The following SH3RF2 variants were observed in gnomAD, a reference collection of about 807,000 sequenced individuals.
SH3RF2 encodes the protein SH3 domain containing ring finger 2, also known as E3 ubiquitin-protein ligase SH3RF2.
A neutral mutation model predicts 59.0 loss-of-function variants in SH3RF2; 43 were observed. The observed-to-expected ratio is 0.73, with a 90% CI of 0.57 to 0.94. The LOEUF (loss-of-function observed/expected upper bound fraction) is 0.94. SH3RF2 is among the 40% of genes least tolerant of loss of function. The pLI is 0.00. For missense variants in SH3RF2, 930 were observed against 940.1 expected (o/e 0.99, Z 0.14); for synonymous variants, 391 against 391.5 (o/e 1.00, Z 0.01).
At chr5:145,988,062 G>T (rs1459090768) in intron 2 of SH3RF2, among the ~76,000 whole-genome samples, 2 of 152,196 alleles carry the variant, frequency 1.3e-5, no homozygotes, top group Admixed American at 1.3e-4. Context: ...AGTGGAAAAA[G>T]GCACATTAGG....
intron 2 of SH3RF2, among the ~76,000 whole-genome samples, chr5:145,968,961 C>T (rs968114365): frequency 6.6e-6 from 1 of 152,136 alleles, no homozygotes; most frequent in Non-Finnish European, 1.5e-5. Flanking sequence ...GTATAGAGAA[C>T]ATATAATTCT....
In SH3RF2 at chr5:146,062,498, G is replaced by A. The variant is rs142456711; in HGVS notation, c.1987G>A (p.Gly663Arg). The change falls in exon 10 of 10, where the codon GGA becomes AGA. Residue 663 changes from glycine to arginine, a missense_variant. Physicochemically the swap from Gly to Arg is moderately radical, Grantham distance 125 (BLOSUM62 -2). Transcript: ENST00000359120. ...TKHYTSHPTS[G>R]KPEQPATLKA... Reference sequence around the variant, plus strand: ...ACATTACACCTCCCATCCCACCTCCGGAAAGCCTGAACAGCCAGCCACCCT... The same window carrying A: ...ACATTACACCTCCCATCCCACCTCCAGAAAGCCTGAACAGCCAGCCACCCT... 84 of 1,613,948 alleles carry A rather than the reference G, an allele frequency of 5.2e-5. No homozygotes were observed. The African/African-American group carries it at 6.7e-4, about 13-fold the overall frequency.
At chr5:146,019,047 T>C (rs1435290624) in intron 5 of SH3RF2, among the ~76,000 whole-genome samples, 1 of 152,178 alleles carries the variant, frequency 6.6e-6, no homozygotes, top group Non-Finnish European at 1.5e-5. Context: ...AAATATTTTC[T>C]TCTATTCTTA....
At chr5:145,938,596 T>G (rs1757693001) in intron 2 of SH3RF2, among the ~76,000 whole-genome samples, 1 of 152,212 alleles carries the variant, frequency 6.6e-6, no homozygotes, top group Non-Finnish European at 1.5e-5. Context: ...TTTTTGGTGT[T>G]TCACTTCTGC....
chr5:146,039,113 A>C (rs1330211904), intron 5 of SH3RF2, among the ~76,000 whole-genome samples: 2 of 152,226 alleles, frequency 1.3e-5, no homozygotes, highest in Non-Finnish European at 2.9e-5. Flanking sequence ...GAAAAAGATG[A>C]AATTGGATTC....
At chr5:146,064,038 C>T (rs1266478903), downstream of SH3RF2, among the ~76,000 whole-genome samples, 3 of 152,058 alleles carry the variant, frequency 2.0e-5, no homozygotes, top group African/African-American at 2.4e-5. Context: ...AACACCAGTG[C>T]GAACATGGCA....
intron 2 of SH3RF2, among the ~76,000 whole-genome samples, chr5:145,993,318 G>T (rs977324057): frequency 6.6e-6 from 1 of 152,168 alleles, no homozygotes; most frequent in Non-Finnish European, 1.5e-5. Context: ...GCTGTCAGTG[G>T]ATCTACCATT....
chr5:145,981,666 T>C (rs1260313169), intron 2 of SH3RF2, among the ~76,000 whole-genome samples: 1 of 152,194 alleles, frequency 6.6e-6, no homozygotes, highest in Non-Finnish European at 1.5e-5. Context: ...GATAGTTAGA[T>C]CTTGAACTAT....
chr5:146,013,280 G>T (rs1003906036), intron 4 of SH3RF2, among the ~76,000 whole-genome samples: 1 of 152,120 alleles, frequency 6.6e-6, no homozygotes, highest in Non-Finnish European at 1.5e-5. Context: ...GGCAAGTAAA[G>T]GATTGCAGTT....
chr5:145,980,972 T>A (rs963110251), intron 2 of SH3RF2, among the ~76,000 whole-genome samples: 7 of 152,198 alleles, frequency 4.6e-5, no homozygotes, highest in African/African-American at 1.7e-4. Flanking sequence ...GGTAAATATG[T>A]CAGGAGCTGC....
At chr5:146,042,862 C>T (rs1465509785) in intron 5 of SH3RF2, among the ~76,000 whole-genome samples, 1 of 152,156 alleles carries the variant, frequency 6.6e-6, no homozygotes, top group African/African-American at 2.4e-5. Flanking sequence ...CCTTCCCCAC[C>T]ACACCCGCAC....
chr5:145,957,693 C>T (rs1378623223), intron 2 of SH3RF2, among the ~76,000 whole-genome samples: 2 of 152,034 alleles, frequency 1.3e-5, no homozygotes, highest in African/African-American at 4.8e-5. Flanking sequence ...TATACTATAA[C>T]ATTAAAAAAA....
At chr5:145,942,140 C>T (rs1757839687) in intron 2 of SH3RF2, among the ~76,000 whole-genome samples, 1 of 152,204 alleles carries the variant, frequency 6.6e-6, no homozygotes, top group African/African-American at 2.4e-5. Flanking sequence ...AGAAAACTCC[C>T]TAACTAACTT....
chr5:146,072,500 G>A lies in SH3RF2; in HGVS notation c.*34-5960G>A, dbSNP rs532165191. ...AGCCTGGCCAATATGGTGAAACCCCGTCTCTATTAAAAATACAAAAATTAG... is the reference window on the plus strand; with the variant it reads ...AGCCTGGCCAATATGGTGAAACCCCATCTCTATTAAAAATACAAAAATTAG... On this transcript the variant is annotated intron_variant, in intron 9 of 9. Coordinates refer to the SH3RF2 transcript ENST00000511217. Among the ~76,000 whole-genome samples, 229 of 152,170 alleles carry A rather than the reference G, an allele frequency of 1.5e-3. 3 individuals carry two copies. Among genetic ancestry groups the A allele is most frequent in the African/African-American group, 5.3e-3 (220 of 41,514 alleles).
At chr5:145,958,383 G>T (rs1580771378) in intron 2 of SH3RF2, among the ~76,000 whole-genome samples, 1 of 152,142 alleles carries the variant, frequency 6.6e-6, no homozygotes, top group South Asian at 2.1e-4. Context: ...CTTAGGAGTT[G>T]GTTCAGGGGA....
chr5:146,059,531 CGCGCGTGTGTGTGTGTACGTGTGTGTGT>C (rs1409976126), intron 8 of SH3RF2, among the ~76,000 whole-genome samples: 3 of 150,696 alleles, frequency 2.0e-5, no homozygotes, highest in Non-Finnish European at 4.4e-5. Flanking sequence ...CTGCTTCACG[CGCGCGTGTGTGTGTGTACGTGTGTGTGT>C]GCGTGTGTGT....
intron 5 of SH3RF2, among the ~76,000 whole-genome samples, chr5:146,020,938 G>A (rs1453952852): frequency 6.6e-6 from 1 of 152,106 alleles, no homozygotes; most frequent in East Asian, 1.9e-4. Context: ...GAGCTGTCAC[G>A]AGCCTTGGGG....
intron 9 of SH3RF2, among the ~76,000 whole-genome samples, chr5:146,069,875 G>A (rs1232652033): frequency 1.3e-5 from 2 of 151,062 alleles, no homozygotes; most frequent in Admixed American, 6.6e-5. Flanking sequence ...TGCCTGGCCT[G>A]AAAAATGCTA....
At chr5:145,979,462 C>T (rs1759427817) in intron 2 of SH3RF2, among the ~76,000 whole-genome samples, 1 of 152,234 alleles carries the variant, frequency 6.6e-6, no homozygotes, top group African/African-American at 2.4e-5. Context: ...GGCTCTGCCA[C>T]TCACCAGCCA....
Sources: allele counts gnomAD v4.1 joint callset (sites outside exome capture counted in the v4.1 genomes callset), GRCh38; gene constraint gnomAD v4.1.1; transcripts MANE v1.5; gene names NCBI Gene and HGNC (gene_info 2026-07-23, HGNC 2026-07-21).